SSH2: variants seen among roughly 807,000 people sequenced by gnomAD.
SSH2 encodes the protein protein phosphatase Slingshot homolog 2.
Under a neutral mutation model 135.2 loss-of-function variants are expected in SSH2, and 37 were observed. The observed-to-expected ratio is 0.27, with a 90% CI of 0.21 to 0.36. The LOEUF (loss-of-function observed/expected upper bound fraction) is 0.36, where lower values mean the gene tolerates loss of function less well. Among genes scored for constraint, SSH2 ranks in the 10% least tolerant of loss-of-function variants. The pLI is 1.00. For missense variants in SSH2, 1,408 were observed against 1,765.3 expected, an observed-to-expected ratio of 0.80 and a Z score of 3.63; for synonymous variants, 628 against 646.2, an observed-to-expected ratio of 0.97 and a Z score of 0.43.
intron 3 of SSH2, among the ~76,000 whole-genome samples, chr17:29,754,038 T>C (rs900667435): frequency 6.6e-6 from 1 of 152,208 alleles, no homozygotes; most frequent in Non-Finnish European, 1.5e-5. Context: ...CATCAAGCCA[T>C]GTAGCCTTGT....
chr17:29,927,546 T>C (rs1367409155), intron 1 of SSH2, among the ~76,000 whole-genome samples: 1 of 152,210 alleles, frequency 6.6e-6, no homozygotes, highest in East Asian at 1.9e-4. Flanking sequence ...TTAAATCTCT[T>C]CTTTCATGGT....
intron 2 of SSH2, among the ~76,000 whole-genome samples, chr17:29,815,320 C>A (rs1229968018): frequency 6.6e-6 from 1 of 152,024 alleles, no homozygotes; most frequent in Non-Finnish European, 1.5e-5. Flanking sequence ...GATGGGGTTT[C>A]ACCATGTTGG....
chr17:29,786,477 C>T (rs1043395612), intron 3 of SSH2, among the ~76,000 whole-genome samples: 1 of 152,222 alleles, frequency 6.6e-6, no homozygotes, highest in Non-Finnish European at 1.5e-5. Flanking sequence ...CCATTATTCT[C>T]ACCCTTCAAT....
intron 1 of SSH2, among the ~76,000 whole-genome samples, chr17:29,889,585 C>T (rs2066308807): frequency 6.6e-6 from 1 of 151,690 alleles, no homozygotes; most frequent in Non-Finnish European, 1.5e-5. Context: ...CTGAACTTCA[C>T]CAAATTTAAA....
chr17:29,909,284 A>C lies in SSH2; in HGVS notation c.63+20654T>G, dbSNP rs186128332. Among the ~76,000 whole-genome samples the C allele has an allele frequency of 1.1e-4, 16 of 152,294 alleles. No homozygotes were observed. The East Asian group carries it at 3.1e-3, about 29-fold the overall frequency. Reference sequence around the variant, plus strand: ...AACTAGACCTGTCCCCCTTTTTACTAACAAACAATATTTCCGGGTATCATG... The same window carrying C: ...AACTAGACCTGTCCCCCTTTTTACTCACAAACAATATTTCCGGGTATCATG... On this transcript the variant is annotated intron_variant, in intron 1 of 15. Coordinates refer to ENST00000540801, the MANE Select transcript of SSH2 (RefSeq NM_001282129.2).
At position 29,704,128 on chromosome 17, in the gene SSH2, TAGA is replaced by T. The variant is rs1450267052; in HGVS notation, c.189-1069_189-1067del. Among the ~76,000 whole-genome samples the T allele has an allele frequency of 7.2e-5, 11 of 152,310 alleles. No individual in the cohort carries two copies. In the South Asian group the frequency reaches 2.3e-3, roughly 32 times the overall value. Reference sequence around the variant, plus strand: ...ATATTAGTTATTATAAGTAGATTAGTAGAAGGTTATCAGTAATGATGTTTCAAT... The same window carrying T: ...ATATTAGTTATTATAAGTAGATTAGTAGGTTATCAGTAATGATGTTTCAAT... On this transcript the variant is annotated intron_variant, in intron 3 of 15. Coordinates refer to ENST00000540801, the MANE Select transcript of SSH2 (RefSeq NM_001282129.2).
chr17:29,829,464 T>TGTG (rs2042800475), intron 2 of SSH2, among the ~76,000 whole-genome samples: 3 of 149,722 alleles, frequency 2.0e-5, no homozygotes, highest in African/African-American at 7.4e-5. Context: ...TGTCGATGGC[T>TGTG]TGTGTGTGTG....
intron 3 of SSH2, among the ~76,000 whole-genome samples, chr17:29,704,705 A>C (rs1422891153): frequency 9.9e-6 from 1 of 101,230 alleles, no homozygotes; most frequent in African/African-American, 8.2e-5. Flanking sequence ...TCTGTCTCTT[A>C]AAAAAAAAAA....
chr17:29,929,900 G>A (rs1248934966), intron 1 of SSH2, 38 bp downstream of exon 1: 2 of 1,551,932 alleles, frequency 1.3e-6, no homozygotes, highest in Non-Finnish European at 1.7e-6. Flanking sequence ...GAGCCGCAGT[G>A]ACAGAAGCAA....
At chr17:29,910,135 G>GA (rs1486390572) in intron 1 of SSH2, among the ~76,000 whole-genome samples, 2 of 151,980 alleles carry the variant, frequency 1.3e-5, no homozygotes, top group Non-Finnish European at 2.9e-5. Flanking sequence ...TTGTAGAGAC[G>GA]AAGTCTTGCT....
intron 2 of SSH2, among the ~76,000 whole-genome samples, chr17:29,814,597 C>T (rs575860213): frequency 6.6e-6 from 1 of 152,018 alleles, no homozygotes; most frequent in East Asian, 1.9e-4. Flanking sequence ...AATCAGATAT[C>T]ATCAAAGGTT....
At chr17:29,839,189 C>T (rs143455934) in intron 2 of SSH2, 2,253 of 152,404 alleles carry the variant, frequency 0.015, 32 homozygotes, top group Non-Finnish European at 0.021. Flanking sequence ...CAGGCTCTGC[C>T]TCTCCCATTG....
intron 3 of SSH2, among the ~76,000 whole-genome samples, chr17:29,724,984 A>G (rs192054378): frequency 6.6e-6 from 1 of 152,076 alleles, no homozygotes; most frequent in African/African-American, 2.4e-5. Flanking sequence ...TTCAACAGGT[A>G]TTTGTTGAGA....
chr17:29,841,046 G>A (rs1440127152), intron 2 of SSH2, among the ~76,000 whole-genome samples: 1 of 152,152 alleles, frequency 6.6e-6, no homozygotes, highest in Non-Finnish European at 1.5e-5. Flanking sequence ...AAATCACATG[G>A]TCAAGAAGTC....
rs2035495730 is a variant in SSH2 at position 29,626,223 on chromosome 17, G to A, written c.*4618C>T. ...GCTTGGGGCAAAGGTAACAGTCAGA[G>A]GAGAGTCTTCTGGACTTGTTTTCCA... On this transcript the variant is annotated 3_prime_UTR_variant, in exon 16 of 16. Coordinates refer to ENST00000540801, the MANE Select transcript of SSH2 (RefSeq NM_001282129.2). 1 of 152,080 alleles carries A rather than the reference G, an allele frequency of 6.6e-6. No individual in the cohort carries two copies. Among genetic ancestry groups the A allele is most frequent in the African/African-American group, 2.4e-5 (1 of 41,202 alleles). The allele number at this position is 152,080 out of a possible 1,614,324, so 9.4% of individuals were successfully genotyped here. A position where few individuals can be genotyped will look rare whatever the true frequency, so the allele number is the denominator to read the frequency against.
rs1282352333 is a variant in SSH2, at chr17:29,629,152, T to G, written c.*1689A>C. ...ACTAAATCTGTTTTCTGTAAGAAGC[T>G]ACAAGAGGCTTGTTTATGACAGGCG... On this transcript the variant is annotated 3_prime_UTR_variant, in exon 16 of 16. Transcript: ENST00000540801. 1 of 152,340 alleles carries G rather than the reference T, an allele frequency of 6.6e-6. No homozygotes were observed. Among genetic ancestry groups the G allele is most frequent in the Non-Finnish European group, 1.5e-5 (1 of 68,050 alleles). 9.4% of individuals were successfully genotyped at this position (152,340 alleles called of 1,614,324 possible).
At chr17:29,815,007 G>A (rs1459368203) in intron 2 of SSH2, among the ~76,000 whole-genome samples, 1 of 146,452 alleles carries the variant, frequency 6.8e-6, no homozygotes, top group African/African-American at 2.5e-5. Flanking sequence ...GGAGTGCAAT[G>A]GTGTGATCTC....
chr17:29,737,373 C>T (rs1297968458), intron 3 of SSH2, among the ~76,000 whole-genome samples: 1 of 152,054 alleles, frequency 6.6e-6, no homozygotes, highest in Non-Finnish European at 1.5e-5. Context: ...AGAGCTATAT[C>T]AGCTAATTAT....
chr17:29,789,542 G>A (rs2151299585), intron 3 of SSH2, among the ~76,000 whole-genome samples: 1 of 152,310 alleles, frequency 6.6e-6, no homozygotes, highest in East Asian at 1.9e-4. Context: ...ATTCAGTGAT[G>A]ATCATCAGGG....
Sources: allele counts gnomAD v4.1 joint callset (sites outside exome capture counted in the v4.1 genomes callset), GRCh38; gene constraint gnomAD v4.1.1; transcripts MANE v1.5; gene names NCBI Gene and HGNC (gene_info 2026-07-23, HGNC 2026-07-21).